ERC1: variants seen among roughly 807,000 people sequenced by gnomAD.
ERC1 encodes RAB6 interacting protein 2.
In ERC1, 56 loss-of-function variants were observed where a neutral mutation model predicts 132.0. The observed-to-expected ratio is 0.42, with a 90% CI of 0.34 to 0.53. The LOEUF is 0.53. ERC1 is among the 20% of genes least tolerant of loss of function. ERC1 has a pLI of 0.03. For synonymous variants in ERC1, 478 were observed against 476.1 expected (o/e 1.00, Z -0.05); for missense variants, 1,202 against 1,349.9 (o/e 0.89, Z 1.72).
intron 7 of ERC1, among the ~76,000 whole-genome samples, chr12:1,120,341 A>G (rs1393785278): frequency 6.6e-6 from 1 of 152,170 alleles, no homozygotes; most frequent in Non-Finnish European, 1.5e-5. Flanking sequence ...GAAACACCTT[A>G]CAGTTTATAG....
At chr12:1,214,589 C>T (rs1250107680) in intron 12 of ERC1, among the ~76,000 whole-genome samples, 1 of 151,496 alleles carries the variant, frequency 6.6e-6, no homozygotes. Flanking sequence ...TTGTTTGGAT[C>T]TTAATGAAAG....
intron 2 of ERC1, among the ~76,000 whole-genome samples, chr12:1,046,021 CAGTAG>C (rs1401401057): frequency 6.6e-6 from 1 of 151,978 alleles, no homozygotes; most frequent in East Asian, 1.9e-4. Context: ...AGGCAGGAAG[CAGTAG>C]AGTAATGATT....
At chr12:1,199,412 T>A (rs897578184) in intron 12 of ERC1, among the ~76,000 whole-genome samples, 8 of 152,196 alleles carry the variant, frequency 5.3e-5, no homozygotes. Context: ...CAACCTAGTG[T>A]GTATTTATAG....
chr12:1,396,630 C>T (rs2090566174), intron 16 of ERC1, among the ~76,000 whole-genome samples: 1 of 152,148 alleles, frequency 6.6e-6, no homozygotes, highest in South Asian at 2.1e-4. Flanking sequence ...AAAAATTTGT[C>T]ATGTGTGGTT....
At chr12:1,050,421 T>A (rs1220210640) in intron 2 of ERC1, among the ~76,000 whole-genome samples, 3 of 152,188 alleles carry the variant, frequency 2.0e-5, no homozygotes, top group Non-Finnish European at 4.4e-5. Context: ...ATTTTCTTTA[T>A]TACAGCACTA....
chr12:1,487,428 G>C (rs2094240804), intron 18 of ERC1, among the ~76,000 whole-genome samples: 2 of 134,102 alleles, frequency 1.5e-5, no homozygotes, highest in African/African-American at 5.6e-5. Flanking sequence ...ATCTCAGCTG[G>C]GTGTGGTGGC....
At chr12:1,329,526 G>T (rs959288204) in intron 15 of ERC1, among the ~76,000 whole-genome samples, 1 of 151,570 alleles carries the variant, frequency 6.6e-6, no homozygotes, top group African/African-American at 2.4e-5. Flanking sequence ...AAAGCCTCAC[G>T]AGCAGCCTGT....
intron 18 of ERC1, among the ~76,000 whole-genome samples, chr12:1,486,492 T>A (rs2094218327): frequency 6.6e-6 from 1 of 152,148 alleles, no homozygotes; most frequent in Non-Finnish European, 1.5e-5. Flanking sequence ...TGGCACGATC[T>A]CGGCTCACTG....
At chr12:1,190,773 C>T (rs973082124) in intron 12 of ERC1, among the ~76,000 whole-genome samples, 2 of 152,098 alleles carry the variant, frequency 1.3e-5, no homozygotes, top group African/African-American at 4.8e-5. Context: ...TGTGCAGAAA[C>T]AACTCTGCCG....
intron 7 of ERC1, among the ~76,000 whole-genome samples, chr12:1,138,605 A>C (rs1200208031): frequency 6.6e-6 from 1 of 152,018 alleles, no homozygotes. Context: ...TTCAGTAGGC[A>C]GATTTTTTTT....
At chr12:1,368,003 G>A (rs2086830782) in intron 15 of ERC1, among the ~76,000 whole-genome samples, 1 of 147,998 alleles carries the variant, frequency 6.8e-6, no homozygotes, top group South Asian at 2.1e-4. Flanking sequence ...ACAGAACAAG[G>A]AGAGTAATTT....
chr12:1,060,748 C>T (rs1185970348), intron 2 of ERC1, among the ~76,000 whole-genome samples: 10 of 141,312 alleles, frequency 7.1e-5, no homozygotes, highest in Admixed American at 4.4e-4. Flanking sequence ...TTTTTTGAGA[C>T]GGAGTCTCGC....
At chr12:1,448,448 T>C (rs76315876) in intron 18 of ERC1, among the ~76,000 whole-genome samples, 1,864 of 152,340 alleles carry the variant, frequency 0.012, 46 homozygotes, top group African/African-American at 0.042. Flanking sequence ...TAATGTAGGC[T>C]GTCTAACAAT....
chr12:1,329,399 TA>T lies in ERC1; in HGVS notation c.2780+39391del, dbSNP rs993334272. 3.3e-5 allele frequency among the ~76,000 whole-genome samples: 4 copies of T among 119,672 alleles called. 1 individual carries two copies. Among genetic ancestry groups the T allele is most frequent in the Non-Finnish European group, 6.9e-5 (4 of 57,580 alleles). The allele number at this position is 119,672 out of a possible 152,430, so 78.5% of individuals were successfully genotyped here. A position where few individuals can be genotyped will look rare whatever the true frequency, so the allele number is the denominator to read the frequency against. ...CAAAATAATTTTATAATAGCCTAAA[TA>T]AAATCAACTACACACGTATTAATAA... On this transcript the variant is annotated intron_variant, in intron 15 of 18. Coordinates refer to ENST00000360905, the MANE Select transcript of ERC1 (RefSeq NM_178040.4).
chr12:1,366,186 T>G (rs1352957529), intron 15 of ERC1, among the ~76,000 whole-genome samples: 1 of 152,210 alleles, frequency 6.6e-6, no homozygotes, highest in Non-Finnish European at 1.5e-5. Context: ...TAAATGGTTA[T>G]GGTAAATTTT....
chr12:1,269,260 C>G (rs564608553), intron 14 of ERC1, among the ~76,000 whole-genome samples: 7 of 152,152 alleles, frequency 4.6e-5, no homozygotes, highest in Non-Finnish European at 1.0e-4. Flanking sequence ...TTCAGAAATA[C>G]ACAATAATTT....
intron 16 of ERC1, among the ~76,000 whole-genome samples, chr12:1,381,495 G>A (rs528131269): frequency 1.3e-4 from 20 of 152,062 alleles, no homozygotes; most frequent in East Asian, 3.9e-4. Flanking sequence ...CACCACAGCC[G>A]TCCTCAATGG....
At chr12:1,161,678 G>A (rs915654495) in intron 8 of ERC1, among the ~76,000 whole-genome samples, 2 of 152,130 alleles carry the variant, frequency 1.3e-5, no homozygotes, top group Non-Finnish European at 2.9e-5. Context: ...GGATATTGTG[G>A]TATAACTTTT....
At position 1,440,407 on chromosome 12, in the gene ERC1, C is replaced by T. The variant is rs376995672; in HGVS notation, c.3025-4155C>T. Among the ~76,000 whole-genome samples the T allele has an allele frequency of 7.4e-3, 1,109 of 150,554 alleles. 12 individuals are homozygous for T. The highest frequency in any genetic ancestry group is 0.023 in the South Asian group (110 of 4,776). On this transcript the variant is annotated intron_variant, in intron 17 of 18. Transcript: ENST00000360905. ...ATTTTTAGTAGAGACGGGGTTTCAC[C>T]GTGTTAGCCAGGATGGTCTCGATCT... is the stretch of plus-strand genomic sequence containing the variant.
Sources: allele counts gnomAD v4.1 joint callset (sites outside exome capture counted in the v4.1 genomes callset), GRCh38; gene constraint gnomAD v4.1.1; transcripts MANE v1.5; gene names NCBI Gene and HGNC (gene_info 2026-07-23, HGNC 2026-07-21).